The following PTK2 variants were observed in gnomAD, a reference collection of about 807,000 sequenced individuals.
The protein encoded by PTK2 is protein tyrosine kinase 2.
PTK2 carries 45 observed loss-of-function variants against 150.1 expected under a neutral mutation model. The ratio of observed to expected loss-of-function variants is 0.30; its 90% CI spans 0.24 to 0.38. PTK2 has a LOEUF of 0.38. PTK2 is among the 10% of genes least tolerant of loss of function. The probability of loss-of-function intolerance (pLI) is 1.00; values close to 1 mark genes in which losing one functional copy is unlikely to be tolerated. For missense variants in PTK2, 919 were observed against 1,307.3 expected, an observed-to-expected ratio of 0.70 and a Z score of 4.58; for synonymous variants, 432 against 449.2, an observed-to-expected ratio of 0.96 and a Z score of 0.48.
chr8:140,803,721 T>C (rs112869393), intron 10 of PTK2, 71 bp from the exon 11 acceptor site: 3 of 1,374,524 alleles, frequency 2.2e-6, no homozygotes, highest in Non-Finnish European at 3.1e-6. Flanking sequence ...GTAAATGTTC[T>C]GTGAAATCCT....
At chr8:140,882,560 T>C (rs977595872) in intron 3 of PTK2, among the ~76,000 whole-genome samples, 1 of 152,294 alleles carries the variant, frequency 6.6e-6, no homozygotes, top group Non-Finnish European at 1.5e-5. Context: ...TACACAACTT[T>C]TCTGATTAAA....
intron 2 of PTK2, among the ~76,000 whole-genome samples, chr8:140,905,525 A>G (rs1000937779): frequency 2.6e-5 from 4 of 152,094 alleles, no homozygotes; most frequent in African/African-American, 9.7e-5. Flanking sequence ...CCAGATTCAT[A>G]AAGTTCTTAG....
At chr8:140,899,843 G>GA (rs933914001) in intron 2 of PTK2, among the ~76,000 whole-genome samples, 1 of 151,900 alleles carries the variant, frequency 6.6e-6, no homozygotes, top group East Asian at 1.9e-4. Flanking sequence ...GAACAAAGAA[G>GA]AAAAAACCAT....
chr8:140,852,637 T>A (rs747116489), intron 5 of PTK2, among the ~76,000 whole-genome samples: 24 of 152,214 alleles, frequency 1.6e-4, no homozygotes, highest in Non-Finnish European at 2.2e-4. Flanking sequence ...AAATTATACC[T>A]CAATAAAACA....
intron 1 of PTK2, among the ~76,000 whole-genome samples, chr8:140,962,245 AAGGAAGGGAGGAAGGGAAGAAGGGAGGG>A (rs2100183485): frequency 1.4e-5 from 2 of 144,502 alleles, no homozygotes; most frequent in Non-Finnish European, 3.0e-5. Flanking sequence ...GGAAGGAAGA[AAGGAAGGGAGGAAGGGAAGAAGGGAGGG>A]AGGAAGGGAG....
chr8:140,818,880 A>C (rs757563409), exon 9 of PTK2: 2 of 1,613,076 alleles, frequency 1.2e-6, no homozygotes, highest in East Asian at 4.5e-5. Context: ...CCATACTTAC[A>C]CCAAGAGCAC....
intron 14 of PTK2, among the ~76,000 whole-genome samples, chr8:140,782,259 G>GT (rs1433046690): frequency 6.7e-5 from 10 of 150,220 alleles, no homozygotes; most frequent in African/African-American, 2.5e-4. Flanking sequence ...TTTTTTGGGG[G>GT]GGGGGACAGG....
intron 27 of PTK2, among the ~76,000 whole-genome samples, chr8:140,681,646 G>A (rs950109718): frequency 6.6e-5 from 10 of 151,648 alleles, no homozygotes; most frequent in Non-Finnish European, 8.8e-5. Flanking sequence ...GCGTGGTGGC[G>A]GGCGCCTGTA....
intron 31 of PTK2, 62 bp from the exon 36 acceptor site, chr8:140,659,740 A>G: frequency 6.9e-7 from 1 of 1,454,488 alleles, no homozygotes; most frequent in Non-Finnish European, 9.5e-7. Flanking sequence ...TCTTTTTTAG[A>G]GAGATGTTCT....
chr8:140,735,522 A>T lies in PTK2; in HGVS notation c.1826-67T>A. On this transcript the variant is annotated intron_variant, in intron 21 of 31. Transcript: ENST00000522684. The stretch of plus-strand genomic sequence containing the variant: ...AAGAATGTAACTCCCAGGTTCCAGG[A>T]ACATTGTTCTTCTAGGCACTCGAGT... 4 of 1,525,334 alleles carry T rather than the reference A, an allele frequency of 2.6e-6. No homozygotes were observed. In the East Asian group the frequency reaches 9.0e-5, roughly 34 times the overall value. The allele number at this position is 1,525,334 out of a possible 1,614,324, so 94.5% of individuals were successfully genotyped here. A position where few individuals can be genotyped will look rare whatever the true frequency, so the allele number is the denominator to read the frequency against.
intron 10 of PTK2, among the ~76,000 whole-genome samples, chr8:140,814,509 A>G (rs1456897788): frequency 6.6e-6 from 1 of 152,230 alleles, no homozygotes; most frequent in Non-Finnish European, 1.5e-5. Context: ...CAACATATGC[A>G]AATCAATAAA....
intron 14 of PTK2, 21 bp from the exon 16 acceptor site, chr8:140,769,613 C>A: frequency 1.5e-6 from 2 of 1,354,586 alleles, no homozygotes; most frequent in Non-Finnish European, 2.0e-6. Flanking sequence ...GGGTGGCATG[C>A]AAAGAAAGGG....
At position 140,667,468 on chromosome 8, in the gene PTK2, T is replaced by C. The variant is rs1878479; in HGVS notation, c.2865+801A>G. Among the ~76,000 whole-genome samples the C allele has an allele frequency of 8.2e-4, 89 of 108,392 alleles. 1 individual carries two copies. The highest frequency in any genetic ancestry group is 6.4e-3 in the South Asian group (23 of 3,612). 71.1% of individuals were successfully genotyped at this position (108,392 alleles called of 152,430 possible). The stretch of plus-strand genomic sequence containing the variant: ...TCTTTCTTTCTCTCTCTCTCTCTCT[T>C]TTTTTTTTTTTTTAAAGAGATGGGG... On this transcript the variant is annotated intron_variant, in intron 30 of 31. Coordinates refer to ENST00000522684, the Ensembl canonical transcript of PTK2.
At chr8:140,785,424 T>C (rs2100084379) in intron 14 of PTK2, among the ~76,000 whole-genome samples, 1 of 152,220 alleles carries the variant, frequency 6.6e-6, no homozygotes, top group Admixed American at 6.5e-5. Context: ...CACAATGACA[T>C]TTATTTTAGG....
chr8:140,862,527 T>A (rs922666185), intron 5 of PTK2, among the ~76,000 whole-genome samples: 2 of 152,174 alleles, frequency 1.3e-5, no homozygotes, highest in African/African-American at 2.4e-5. Context: ...CTCTGTATTA[T>A]CGTAAACCCT....
At chr8:140,749,075 T>C (rs554936883) in intron 17 of PTK2, among the ~76,000 whole-genome samples, 1 of 152,316 alleles carries the variant, frequency 6.6e-6, no homozygotes, top group South Asian at 2.1e-4. Context: ...AAAACAATAT[T>C]AGTGGGTGTT....
At position 140,965,768 on chromosome 8, in the gene PTK2, T is replaced by C. The variant is rs1052535912; in HGVS notation, c.-122+35357A>G. On this transcript the variant is annotated intron_variant, in intron 1 of 31. Coordinates refer to ENST00000522684, the Ensembl canonical transcript of PTK2. ...GGCACACACCTGGAATCCCAGCTAC[T>C]TGGGAGGCTGAGACAGGAGAATCAC... 4.6e-5 allele frequency among the ~76,000 whole-genome samples: 7 copies of C among 152,066 alleles called. No individual in the cohort carries two copies. The East Asian group carries it at 7.7e-4, about 17-fold the overall frequency.
At chr8:140,780,363 A>T (rs569428608) in intron 14 of PTK2, among the ~76,000 whole-genome samples, 1 of 152,276 alleles carries the variant, frequency 6.6e-6, no homozygotes, top group Non-Finnish European at 1.5e-5. Flanking sequence ...ACAAAGAACA[A>T]CCAGATGTAC....
chr8:140,817,979 C>T (rs1295354033), intron 10 of PTK2, among the ~76,000 whole-genome samples: 1 of 151,994 alleles, frequency 6.6e-6, no homozygotes, highest in African/African-American at 2.4e-5. Flanking sequence ...TCATTCAGAA[C>T]TTAATTTTAA....
Sources: allele counts gnomAD v4.1 joint callset (sites outside exome capture counted in the v4.1 genomes callset), GRCh38; gene constraint gnomAD v4.1.1; transcripts MANE v1.5; gene names NCBI Gene and HGNC (gene_info 2026-07-23, HGNC 2026-07-21).